Variants in RBFOX3 observed in about 807,000 individuals in gnomAD.
The protein encoded by RBFOX3 is RNA binding fox-1 homolog 3, also known as RNA binding protein fox-1 homolog 3.
In RBFOX3, 17 loss-of-function variants were observed where a neutral mutation model predicts 48.7. That is an observed-to-expected ratio of 0.35 (90% CI 0.24 to 0.52). The LOEUF is 0.52. RBFOX3 is among the 20% of genes least tolerant of loss of function. The probability of loss-of-function intolerance (pLI) is 0.94; values close to 1 mark genes in which losing one functional copy is unlikely to be tolerated. For missense variants in RBFOX3, 382 were observed against 497.5 expected, an observed-to-expected ratio of 0.77 and a Z score of 2.21; for synonymous variants, 212 against 209.5, an observed-to-expected ratio of 1.01 and a Z score of -0.10.
chr17:79,496,183 A>G (rs1038978545), intron 1 of RBFOX3, among the ~76,000 whole-genome samples: 3 of 151,926 alleles, frequency 2.0e-5, no homozygotes, highest in Admixed American at 2.0e-4. Context: ...GGCTTCCGGG[A>G]GTTCAGAGTG....
chr17:79,135,404 C>G (rs891857282), intron 4 of RBFOX3, among the ~76,000 whole-genome samples: 3 of 152,202 alleles, frequency 2.0e-5, no homozygotes, highest in Admixed American at 2.0e-4. Context: ...GCAGGACACA[C>G]CTGCCCTGAG....
rs544620730 is a variant in RBFOX3, at chr17:79,406,550, G to A, written c.-175+75904C>T. Among the ~76,000 whole-genome samples, 10 of 152,302 alleles carry A rather than the reference G, an allele frequency of 6.6e-5. No homozygotes were observed. The East Asian group carries it at 1.9e-3, about 29-fold the overall frequency. ...TCCCTGACTCACTTCTAATTGCCGG[G>A]AATTGTGGAGAGGGAGGCGTGTCCC... On this transcript the variant is annotated intron_variant, in intron 2 of 14. Transcript: ENST00000693108.
At chr17:79,478,425 C>T (rs1327357032) in intron 2 of RBFOX3, among the ~76,000 whole-genome samples, 1 of 152,126 alleles carries the variant, frequency 6.6e-6, no homozygotes, top group Non-Finnish European at 1.5e-5. Flanking sequence ...GGCAGGCTCA[C>T]ACTCAGCCCC....
chr17:79,614,536 G>A (rs1341169849), upstream of RBFOX3, among the ~76,000 whole-genome samples: 2 of 152,214 alleles, frequency 1.3e-5, no homozygotes, highest in Non-Finnish European at 2.9e-5. Context: ...AAGCCTTCAT[G>A]AGAAGGAGCC....
upstream of RBFOX3, among the ~76,000 whole-genome samples, chr17:79,614,932 G>A (rs1461860272): frequency 6.6e-6 from 1 of 151,224 alleles, no homozygotes; most frequent in Non-Finnish European, 1.5e-5. Flanking sequence ...GAGAGAAGGA[G>A]GAGGAGGAGA....
In RBFOX3 at chr17:79,224,341, G is replaced by A. The variant is rs529480599; in HGVS notation, c.-34+11425C>T. ...GACTCTCCTCATTGATCTTAGTTCCGCCATCTGAGGCCACAGGCATTGTGT... is the reference window on the plus strand; with the variant it reads ...GACTCTCCTCATTGATCTTAGTTCCACCATCTGAGGCCACAGGCATTGTGT... On this transcript the variant is annotated intron_variant, in intron 4 of 14. Coordinates refer to ENST00000693108, the MANE Select transcript of RBFOX3 (RefSeq NM_001350451.2). 6.6e-5 allele frequency among the ~76,000 whole-genome samples: 10 copies of A among 152,270 alleles called. No individual in the cohort carries two copies. The South Asian group carries it at 8.3e-4, about 13-fold the overall frequency.
chr17:79,628,294 G>A, the RBFOX3 span, among the ~76,000 whole-genome samples: 1 of 152,058 alleles, frequency 6.6e-6, no homozygotes, highest in Non-Finnish European at 1.5e-5. Flanking sequence ...CCCCGGCCTG[G>A]CCCCAATGCG....
At chr17:79,617,586 T>C in the RBFOX3 span, among the ~76,000 whole-genome samples, 3 of 152,242 alleles carry the variant, frequency 2.0e-5, no homozygotes, top group African/African-American at 7.2e-5. Context: ...CAGCACCGTC[T>C]CCCACTCTTC....
intron 4 of RBFOX3, among the ~76,000 whole-genome samples, chr17:79,201,187 G>A (rs2056701732): frequency 6.6e-6 from 1 of 152,196 alleles, no homozygotes; most frequent in African/African-American, 2.4e-5. Context: ...CCTCAGCATT[G>A]CCCTGACACA....
the RBFOX3 span, among the ~76,000 whole-genome samples, chr17:79,627,544 T>C: frequency 6.6e-6 from 1 of 152,146 alleles, no homozygotes; most frequent in Non-Finnish European, 1.5e-5. Context: ...TGATTCTATG[T>C]GAAACAGCCC....
chr17:79,302,934 A>G (rs1266341570), intron 3 of RBFOX3, among the ~76,000 whole-genome samples: 2 of 152,182 alleles, frequency 1.3e-5, no homozygotes, highest in African/African-American at 2.4e-5. Context: ...TTTTGGCTGG[A>G]AGCTTACGCC....
intron 1 of RBFOX3, among the ~76,000 whole-genome samples, chr17:79,501,154 A>C (rs2082326416): frequency 6.6e-6 from 1 of 152,250 alleles, no homozygotes; most frequent in Non-Finnish European, 1.5e-5. Context: ...AACAAAAACT[A>C]AAATTGGGTC....
intron 1 of RBFOX3, among the ~76,000 whole-genome samples, chr17:79,495,181 G>A (rs1413408750): frequency 6.6e-6 from 1 of 151,028 alleles, no homozygotes; most frequent in Admixed American, 6.6e-5. Flanking sequence ...GGCTTACGTC[G>A]GGTGGGAGGT....
chr17:79,131,017 T>C (rs1164403731), intron 4 of RBFOX3, among the ~76,000 whole-genome samples: 1 of 151,808 alleles, frequency 6.6e-6, no homozygotes. Flanking sequence ...TGTGAGCATG[T>C]GTGCCCCATG....
intron 2 of RBFOX3, among the ~76,000 whole-genome samples, chr17:79,409,302 A>G (rs935999503): frequency 1.3e-5 from 2 of 152,194 alleles, no homozygotes. Flanking sequence ...CGGTGCTCCT[A>G]CAAACGTGTG....
intron 4 of RBFOX3, among the ~76,000 whole-genome samples, chr17:79,211,212 C>A (rs777286053): frequency 3.9e-5 from 6 of 152,190 alleles, no homozygotes; most frequent in Non-Finnish European, 8.8e-5. Context: ...CGGCCCGATG[C>A]GGGCTGGTCT....
chr17:79,163,463 G>A (rs150477556), intron 4 of RBFOX3, among the ~76,000 whole-genome samples: 4 of 152,358 alleles, frequency 2.6e-5, no homozygotes, highest in South Asian at 2.1e-4. Context: ...TCCTTCTGAC[G>A]CTGCCCCAGA....
chr17:79,225,291 C>CT (rs58461275), intron 4 of RBFOX3, among the ~76,000 whole-genome samples: 48,913 of 127,842 alleles, frequency 0.38, 11,594 homozygotes, highest in East Asian at 0.72. Flanking sequence ...TCCCTCCATT[C>CT]TTTTTTTTTT....
At chr17:79,638,701 G>T in the RBFOX3 span, among the ~76,000 whole-genome samples, 1 of 152,178 alleles carries the variant, frequency 6.6e-6, no homozygotes, top group Admixed American at 6.5e-5. Context: ...TAGGGAAGAG[G>T]GGTGAGCAAG....
Sources: gnomAD v4.1 joint callset for allele counts (sites outside exome capture counted in the v4.1 genomes callset) on GRCh38, gnomAD v4.1.1 for gene constraint, MANE v1.5 for transcripts, NCBI Gene and HGNC (gene_info 2026-07-23, HGNC 2026-07-21) for gene names.